Variants in NFIA observed in about 807,000 individuals in gnomAD.
NFIA encodes nuclear factor 1 A-type.
NFIA carries 8 observed loss-of-function variants against 62.8 expected under a neutral mutation model. The ratio of observed to expected loss-of-function variants is 0.13; its 90% CI spans 0.07 to 0.23. NFIA has a LOEUF of 0.23. NFIA is among the 10% of genes least tolerant of loss of function. The pLI is 1.00. For missense variants in NFIA, 410 were observed against 642.1 expected (o/e 0.64, Z 3.91); for synonymous variants, 235 against 238.1 (o/e 0.99, Z 0.12).
chr1:61,305,713 GACA>G (rs1347248618), intron 3 of NFIA, among the ~76,000 whole-genome samples: 4 of 152,140 alleles, frequency 2.6e-5, no homozygotes, highest in Non-Finnish European at 5.9e-5. Context: ...TCCTCAGATG[GACA>G]ACATTAGTCC....
intron 10 of NFIA, among the ~76,000 whole-genome samples, chr1:61,430,298 A>C (rs1667045719): frequency 6.6e-6 from 1 of 152,232 alleles, no homozygotes; most frequent in Non-Finnish European, 1.5e-5. Flanking sequence ...GTTCAGAAAG[A>C]ACTTTAAAAA....
intron 2 of NFIA, among the ~76,000 whole-genome samples, chr1:61,112,134 T>A (rs1475652461): frequency 7.4e-5 from 11 of 149,252 alleles, no homozygotes; most frequent in Admixed American, 6.7e-5. Flanking sequence ...ATTTTTTTTT[T>A]TTAAAAAAAA....
chr1:61,120,830 AAG>A, intron 2 of NFIA, among the ~76,000 whole-genome samples: 1 of 152,284 alleles, frequency 6.6e-6, no homozygotes. Context: ...TAAAAGTCAA[AAG>A]AAATTTCTGG....
At chr1:61,429,559 T>G (rs1250739495) in intron 10 of NFIA, among the ~76,000 whole-genome samples, 1 of 152,178 alleles carries the variant, frequency 6.6e-6, no homozygotes, top group Non-Finnish European at 1.5e-5. Flanking sequence ...TAAAATATAA[T>G]CTTTAGCGTA....
At chr1:61,150,483 G>A (rs1044095930) in intron 2 of NFIA, among the ~76,000 whole-genome samples, 19 of 152,182 alleles carry the variant, frequency 1.2e-4, no homozygotes, top group Admixed American at 9.2e-4. Flanking sequence ...CTGGCCAAAA[G>A]TCTCCCAGCT....
chr1:61,193,458 C>T (rs1651781037), intron 2 of NFIA, among the ~76,000 whole-genome samples: 2 of 152,176 alleles, frequency 1.3e-5, no homozygotes, highest in South Asian at 4.1e-4. Context: ...TCTATAACTA[C>T]CCTCCCTTCC....
chr1:61,130,871 T>C (rs1647060409), intron 2 of NFIA, among the ~76,000 whole-genome samples: 1 of 152,230 alleles, frequency 6.6e-6, no homozygotes, highest in African/African-American at 2.4e-5. Context: ...TTTAAGTGGT[T>C]CTACTAAAAT....
At chr1:61,316,778 C>T (rs892210529) in intron 3 of NFIA, among the ~76,000 whole-genome samples, 3 of 152,104 alleles carry the variant, frequency 2.0e-5, no homozygotes, top group African/African-American at 7.2e-5. Flanking sequence ...TGAAATGTGT[C>T]GATCATTCTC....
intron 10 of NFIA, among the ~76,000 whole-genome samples, chr1:61,427,117 A>G (rs568302495): frequency 6.6e-6 from 1 of 152,056 alleles, no homozygotes; most frequent in African/African-American, 2.4e-5. Flanking sequence ...GTGGGTGGCA[A>G]GGGGTGTGTA....
chr1:61,429,381 G>A (rs908781641), intron 10 of NFIA, among the ~76,000 whole-genome samples: 1 of 152,132 alleles, frequency 6.6e-6, no homozygotes, highest in Non-Finnish European at 1.5e-5. Context: ...GCAAGAATTT[G>A]CACCCAGTTC....
At chr1:61,231,799 C>CTGGGTA (rs1387131557) in intron 2 of NFIA, among the ~76,000 whole-genome samples, 10 of 151,966 alleles carry the variant, frequency 6.6e-5, no homozygotes, top group African/African-American at 1.9e-4. Flanking sequence ...TGAGAATAGC[C>CTGGGTA]ACTGTACTCC....
At chr1:61,346,370 A>G (rs1231007045) in intron 4 of NFIA, among the ~76,000 whole-genome samples, 1 of 152,230 alleles carries the variant, frequency 6.6e-6, no homozygotes, top group East Asian at 1.9e-4. Flanking sequence ...GCCAGAATTT[A>G]TGTGACATTG....
At chr1:61,355,640 C>T (rs915568472) in intron 5 of NFIA, among the ~76,000 whole-genome samples, 17 of 151,872 alleles carry the variant, frequency 1.1e-4, no homozygotes, top group Admixed American at 2.0e-4. Flanking sequence ...AAGGTGAGTG[C>T]AGTGATCATA....
chr1:61,209,623 A>G (rs1178876790), intron 2 of NFIA, among the ~76,000 whole-genome samples: 1 of 152,008 alleles, frequency 6.6e-6, no homozygotes, highest in Non-Finnish European at 1.5e-5. Flanking sequence ...CAGGAGTTTG[A>G]GACCAATCTG....
chr1:61,455,121 G>T (rs1668240150), intron 10 of NFIA, among the ~76,000 whole-genome samples, 182 bp from the exon 11 acceptor site: 1 of 152,148 alleles, frequency 6.6e-6, no homozygotes, highest in African/African-American at 2.4e-5. Flanking sequence ...TATAATTTCA[G>T]AAGAATAAGA....
In NFIA at chr1:61,455,097, T is replaced by C. The variant is rs2474358; in HGVS notation, c.1513-206T>C. Among the ~76,000 whole-genome samples the C allele has an allele frequency of 0.87, 132,299 of 152,154 alleles. 57,786 individuals are homozygous for C. Among genetic ancestry groups the C allele is most frequent in the African/African-American group, 0.94 (39,206 of 41,516 alleles). On this transcript the variant is annotated intron_variant, in intron 10 of 10. Transcript: ENST00000403491. ...TACTCAGAATGTTGGAAAACCCCAA[T>C]GAAGACAATGAATTATAATTTCAGA...
At chr1:61,445,000 A>C (rs762951085) in intron 10 of NFIA, among the ~76,000 whole-genome samples, 1 of 152,246 alleles carries the variant, frequency 6.6e-6, no homozygotes, top group Non-Finnish European at 1.5e-5. Flanking sequence ...GAGCACTACC[A>C]AGTGGAATTT....
intron 2 of NFIA, among the ~76,000 whole-genome samples, chr1:61,119,635 T>C (rs1053904167): frequency 6.6e-6 from 1 of 152,236 alleles, no homozygotes; most frequent in African/African-American, 2.4e-5. Context: ...AAAGAAACTT[T>C]AAAATTTGAA....
At chr1:61,424,558 C>T (rs1237211598) in intron 9 of NFIA, among the ~76,000 whole-genome samples, 2 of 152,094 alleles carry the variant, frequency 1.3e-5, no homozygotes, top group African/African-American at 4.8e-5. Flanking sequence ...TTAATATACC[C>T]TTCATTCCTT....
Sources: gnomAD v4.1 joint callset for allele counts (sites outside exome capture counted in the v4.1 genomes callset) on GRCh38, gnomAD v4.1.1 for gene constraint, MANE v1.5 for transcripts, NCBI Gene and HGNC (gene_info 2026-07-23, HGNC 2026-07-21) for gene names.